The following COL22A1 variants were observed in gnomAD, a reference collection of about 807,000 sequenced individuals.
COL22A1 encodes the protein collagen alpha-1(XXII) chain.
In COL22A1, 221 loss-of-function variants were observed where a neutral mutation model predicts 248.9. The observed-to-expected ratio is 0.89, with a 90% CI of 0.80 to 0.99. The LOEUF (loss-of-function observed/expected upper bound fraction) is 0.99, where lower values mean the gene tolerates loss of function less well. Among genes scored for constraint, COL22A1 ranks in the 50% least tolerant of loss-of-function variants. COL22A1 has a pLI of 0.00. For missense variants in COL22A1, 2,240 were observed against 2,179.0 expected, an observed-to-expected ratio of 1.03 and a Z score of -0.56; for synonymous variants, 891 against 793.4, an observed-to-expected ratio of 1.12 and a Z score of -2.07.
intron 4 of COL22A1, among the ~76,000 whole-genome samples, chr8:138,840,967 A>G (rs988938201): frequency 2.4e-4 from 37 of 152,170 alleles, no homozygotes; most frequent in African/African-American, 7.0e-4. Context: ...GAATGACAAG[A>G]AAAGCTTTAA....
intron 16 of COL22A1, among the ~76,000 whole-genome samples, chr8:138,771,945 T>C (rs1022248198): frequency 3.9e-5 from 6 of 152,100 alleles, no homozygotes; most frequent in African/African-American, 2.4e-5. Flanking sequence ...GTGGAGATCA[T>C]TGTTCCGATG....
At chr8:138,696,249 C>A (rs190316589) in intron 32 of COL22A1, among the ~76,000 whole-genome samples, 1 of 152,128 alleles carries the variant, frequency 6.6e-6, no homozygotes, top group Admixed American at 6.5e-5. Context: ...TGTCCCAAAT[C>A]CCCACAGCCT....
At chr8:138,752,382 C>T (rs1361804594) in intron 21 of COL22A1, among the ~76,000 whole-genome samples, 1 of 152,230 alleles carries the variant, frequency 6.6e-6, no homozygotes, top group Non-Finnish European at 1.5e-5. Flanking sequence ...GCTACTGCTG[C>T]TAAATTTTGC....
chr8:138,633,476 T>C (rs1282362923), intron 49 of COL22A1, among the ~76,000 whole-genome samples: 1 of 152,210 alleles, frequency 6.6e-6, no homozygotes, highest in Non-Finnish European at 1.5e-5. Context: ...TGGGAACATG[T>C]TATGGGGTTT....
intron 1 of COL22A1, among the ~76,000 whole-genome samples, chr8:138,888,190 AC>A (rs1186890542): frequency 3.3e-5 from 5 of 152,116 alleles, no homozygotes; most frequent in Non-Finnish European, 5.9e-5. Flanking sequence ...CACTGAGCCT[AC>A]CCTGCACAGG....
chr8:138,627,858 G>A (rs570549727), intron 50 of COL22A1, among the ~76,000 whole-genome samples: 1 of 152,202 alleles, frequency 6.6e-6, no homozygotes, highest in East Asian at 1.9e-4. Context: ...TTTAATTGTT[G>A]ATTAAACAAT....
chr8:138,616,787 G>T, intron 54 of COL22A1, 127 bp downstream of exon 54: 1 of 1,036,540 alleles, frequency 9.6e-7, no homozygotes, highest in Non-Finnish European at 1.5e-6. Flanking sequence ...CTTGCTCCAT[G>T]CTGGTGTGCT....
At chr8:138,658,418 C>G (rs1200219325) in intron 44 of COL22A1, among the ~76,000 whole-genome samples, 1 of 152,142 alleles carries the variant, frequency 6.6e-6, no homozygotes, top group Non-Finnish European at 1.5e-5. Flanking sequence ...AGTCTGACCT[C>G]CAGAGAGGAT....
chr8:138,715,625 T>C, intron 30 of COL22A1, 57 bp downstream of exon 30: 1 of 1,294,920 alleles, frequency 7.7e-7, no homozygotes, highest in Non-Finnish European at 1.1e-6. Context: ...ATCTCTTCCT[T>C]TAGAAAAACC....
At chr8:138,710,725 T>G (rs1189847262) in intron 30 of COL22A1, among the ~76,000 whole-genome samples, 1 of 152,134 alleles carries the variant, frequency 6.6e-6, no homozygotes, top group Non-Finnish European at 1.5e-5. Flanking sequence ...TCAGAATGCA[T>G]GCCCTTTACA....
At chr8:138,857,860 C>T (rs1822158408) in intron 3 of COL22A1, among the ~76,000 whole-genome samples, 1 of 152,214 alleles carries the variant, frequency 6.6e-6, no homozygotes, top group Non-Finnish European at 1.5e-5. Flanking sequence ...GGGCCTCCTC[C>T]CCGGGCACTT....
chr8:138,859,193 G>A (rs112261468), intron 3 of COL22A1, among the ~76,000 whole-genome samples: 220 of 152,338 alleles, frequency 1.4e-3, no homozygotes, highest in African/African-American at 5.0e-3. Context: ...CACACAGCCT[G>A]GGCATGTGGT....
At chr8:138,807,737 T>G (rs377149602) in intron 10 of COL22A1, 31 bp downstream of exon 10, 1 of 1,609,504 alleles carries the variant, frequency 6.2e-7, no homozygotes, top group Non-Finnish European at 8.5e-7. Context: ...AGTGAGGTTC[T>G]AAACTACACC....
chr8:138,698,165 AG>A (rs1827665078), intron 32 of COL22A1, among the ~76,000 whole-genome samples: 1 of 152,188 alleles, frequency 6.6e-6, no homozygotes, highest in South Asian at 2.1e-4. Context: ...CACAGATGTC[AG>A]GGGCAGGGGG....
At chr8:138,841,948 A>G (rs574948007) in intron 4 of COL22A1, among the ~76,000 whole-genome samples, 1 of 152,200 alleles carries the variant, frequency 6.6e-6, no homozygotes, top group Non-Finnish European at 1.5e-5. Context: ...GTAACTTTTG[A>G]TGGTTTGGGT....
Position 138,755,008 on chromosome 8 carries a change from G to C in COL22A1, c.2031+149C>G, listed in dbSNP as rs533967997. 1.5e-4 allele frequency: 115 copies of C among 755,200 alleles called. No individual in the cohort carries two copies. The African/African-American group carries it at 1.9e-3, about 12-fold the overall frequency. 46.8% of individuals were successfully genotyped at this position (755,200 alleles called of 1,614,324 possible). On this transcript the variant is annotated intron_variant, in intron 21 of 64. Coordinates refer to ENST00000303045, the MANE Select transcript of COL22A1 (RefSeq NM_152888.3). ...TCCAGGCTCAGTTTTTCCTACGTGAGACGTGACCACAACAGCACAACCCAC... is the reference window on the plus strand; with the variant it reads ...TCCAGGCTCAGTTTTTCCTACGTGACACGTGACCACAACAGCACAACCCAC...
chr8:138,701,067 C>T (rs887292231), intron 31 of COL22A1, among the ~76,000 whole-genome samples: 3 of 151,952 alleles, frequency 2.0e-5, no homozygotes, highest in African/African-American at 7.3e-5. Context: ...ATACTGTTCC[C>T]CTTGCCTGGA....
intron 32 of COL22A1, among the ~76,000 whole-genome samples, chr8:138,697,900 T>C (rs961047358): frequency 2.0e-5 from 3 of 152,332 alleles, no homozygotes; most frequent in Non-Finnish European, 4.4e-5. Context: ...ACTTTTTTTT[T>C]CCATAGACAT....
chr8:138,775,605 C>G (rs1334686406), intron 16 of COL22A1, among the ~76,000 whole-genome samples: 1 of 152,122 alleles, frequency 6.6e-6, no homozygotes, highest in Admixed American at 6.6e-5. Flanking sequence ...TGTAACTTGC[C>G]AAGTAAGATA....
Sources: gnomAD v4.1 joint callset for allele counts (sites outside exome capture counted in the v4.1 genomes callset) on GRCh38, gnomAD v4.1.1 for gene constraint, MANE v1.5 for transcripts, NCBI Gene and HGNC (gene_info 2026-07-23, HGNC 2026-07-21) for gene names.